Variants in FARP1 observed in about 807,000 individuals in gnomAD.
FARP1 encodes the protein FERM, ARH/RhoGEF and pleckstrin domain protein 1, also known as FERM, ARHGEF and pleckstrin domain-containing protein 1.
In FARP1, 52 loss-of-function variants were observed where a neutral mutation model predicts 128.8. The observed-to-expected ratio is 0.40, with a 90% CI of 0.32 to 0.51. The LOEUF is 0.51. Ranked by LOEUF, FARP1 falls within the 20% of genes least tolerant of loss-of-function variation. The pLI is 0.45. For synonymous variants in FARP1, 580 were observed against 551.8 expected, an observed-to-expected ratio of 1.05 and a Z score of -0.72; for missense variants, 1,333 against 1,367.9, an observed-to-expected ratio of 0.97 and a Z score of 0.40.
intron 9 of FARP1, 108 bp from the exon 10 acceptor site, chr13:98,389,849 C>T (rs1890239300): frequency 1.9e-6 from 2 of 1,062,152 alleles, no homozygotes; most frequent in Non-Finnish European, 2.8e-6. Context: ...TAATAAAATA[C>T]ACAGCGAAAA....
intron 3 of FARP1, among the ~76,000 whole-genome samples, chr13:98,355,180 AC>A (rs1170009665): frequency 2.0e-5 from 3 of 151,984 alleles, no homozygotes; most frequent in African/African-American, 7.3e-5. Flanking sequence ...AAACCCCTCT[AC>A]AAAAAATACA....
chr13:98,444,147 C>T (rs564438498), intron 24 of FARP1, among the ~76,000 whole-genome samples: 10 of 152,084 alleles, frequency 6.6e-5, no homozygotes, highest in East Asian at 1.9e-4. Flanking sequence ...TGCAGGGCTC[C>T]GGTCTGCCGT....
At chr13:98,155,693 A>G (rs1876456444) in intron 1 of FARP1, among the ~76,000 whole-genome samples, 1 of 151,834 alleles carries the variant, frequency 6.6e-6, no homozygotes, top group Non-Finnish European at 1.5e-5. Context: ...TAATTTTTGT[A>G]TTTTTTGTAG....
chr13:98,246,508 TC>T (rs1220863875), intron 2 of FARP1, among the ~76,000 whole-genome samples: 2 of 152,146 alleles, frequency 1.3e-5, no homozygotes, highest in African/African-American at 4.8e-5. Flanking sequence ...AACATGGTTG[TC>T]AGTTTTCATT....
chr13:98,300,667 C>A (rs1429158240), intron 2 of FARP1, among the ~76,000 whole-genome samples: 1 of 152,218 alleles, frequency 6.6e-6, no homozygotes, highest in African/African-American at 2.4e-5. Context: ...GGCCACCCTT[C>A]CCCGTCCCCT....
intron 1 of FARP1, among the ~76,000 whole-genome samples, chr13:98,160,567 C>T (rs1268440987): frequency 6.6e-6 from 1 of 152,108 alleles, no homozygotes; most frequent in Non-Finnish European, 1.5e-5. Context: ...GAAAAGTAGG[C>T]AGAATACATA....
Position 98,176,983 on chromosome 13 carries a change from G to T in FARP1, c.-24+33491G>T. 1.3e-6 allele frequency: 2 copies of T among 1,599,422 alleles called. No individual in the cohort carries two copies. Among genetic ancestry groups the T allele is most frequent in the Non-Finnish European group, 1.7e-6 (2 of 1,179,502 alleles). On this transcript the variant is annotated intron_variant, in intron 1 of 26. Transcript: ENST00000319562. The surrounding 1 kb of genome is among the most constrained non-coding windows in gnomAD (Gnocchi z 6.2). ...CACCACGTCGAGGCTCTCAGGCGCC[G>T]CCTCCTCGCCCCTCCTGTCGCCGTG...
chr13:98,243,287 T>C (rs1882875192), intron 2 of FARP1, among the ~76,000 whole-genome samples: 1 of 152,208 alleles, frequency 6.6e-6, no homozygotes, highest in South Asian at 2.1e-4. Context: ...GTCTCAGATA[T>C]ACCAAAGCGT....
At chr13:98,350,982 A>C (rs962480178) in intron 3 of FARP1, among the ~76,000 whole-genome samples, 6 of 113,866 alleles carry the variant, frequency 5.3e-5, no homozygotes, top group Non-Finnish European at 1.1e-4. Context: ...AAACCTGCTT[A>C]CCCTGCCCAG....
rs1891972952 is a variant in FARP1 at position 98,430,609 on chromosome 13, G to A, written c.1906-434G>A. On this transcript the variant is annotated intron_variant, in intron 17 of 26. Transcript: ENST00000319562. ...GCTACTGTCTGAGCAGACGGGGCGA[G>A]GGAAGCAGAACTGTGGTTTTAAAAC... 3.3e-5 allele frequency among the ~76,000 whole-genome samples: 5 copies of A among 152,182 alleles called. No individual in the cohort carries two copies. The South Asian group carries it at 1.0e-3, about 32-fold the overall frequency.
intron 2 of FARP1, among the ~76,000 whole-genome samples, chr13:98,282,056 A>G (rs1224111173): frequency 1.3e-5 from 2 of 151,960 alleles, no homozygotes; most frequent in African/African-American, 2.4e-5. Context: ...TATAATCTCA[A>G]TGCTTTGGGA....
chr13:98,424,235 A>G (rs1435350846), intron 16 of FARP1, among the ~76,000 whole-genome samples: 2 of 152,216 alleles, frequency 1.3e-5, no homozygotes, highest in Non-Finnish European at 2.9e-5. Flanking sequence ...TGCTGACCTA[A>G]TGATGCTAAA....
intron 1 of FARP1, among the ~76,000 whole-genome samples, chr13:98,166,418 TTG>T (rs1877268456): frequency 6.6e-6 from 1 of 152,246 alleles, no homozygotes; most frequent in Non-Finnish European, 1.5e-5. Flanking sequence ...AGTGCTTACT[TTG>T]TGCTAGAAAC....
rs138316496 is a variant in FARP1 at position 98,446,732 on chromosome 13, A to C, written c.2971A>C (p.Asn991His). Residue 991 changes from asparagine to histidine, a missense_variant, in exon 26 of 27, where the codon AAC becomes CAC. By Grantham distance (68) the Asn-to-His change is moderately conservative (BLOSUM62 1). Transcript: ENST00000319562. ...GCTCACCATCCCCTCTGAGTCCGAGAACATCCAGAAAGACTACGTGTTCAA... is the reference window on the plus strand; with the variant it reads ...GCTCACCATCCCCTCTGAGTCCGAGCACATCCAGAAAGACTACGTGTTCAA... ...YSLTIPSESE[N>H]IQKDYVFKLH... 12 of 1,614,058 alleles carry C rather than the reference A, an allele frequency of 7.4e-6. No individual in the cohort carries two copies. Among genetic ancestry groups the C allele is most frequent in the African/African-American group, 2.7e-5 (2 of 74,924 alleles).
intron 2 of FARP1, among the ~76,000 whole-genome samples, chr13:98,317,247 T>C (rs550309541): frequency 9.2e-5 from 14 of 152,274 alleles, no homozygotes; most frequent in African/African-American, 3.1e-4. Context: ...TTTTTAAAAA[T>C]TGCATGTGTG....
At chr13:98,252,434 T>G (rs933080689) in intron 2 of FARP1, among the ~76,000 whole-genome samples, 16 of 152,336 alleles carry the variant, frequency 1.1e-4, no homozygotes, top group Admixed American at 8.5e-4. Flanking sequence ...TTTCATTTAT[T>G]AAAATTAAAA....
intron 2 of FARP1, among the ~76,000 whole-genome samples, chr13:98,326,850 T>C (rs1444146835): frequency 1.3e-5 from 2 of 152,240 alleles, no homozygotes; most frequent in African/African-American, 4.8e-5. Flanking sequence ...GGCAAACCTC[T>C]GAACTCATCT....
chr13:98,442,813 C>T (rs1482954729), intron 24 of FARP1, among the ~76,000 whole-genome samples: 4 of 152,226 alleles, frequency 2.6e-5, no homozygotes, highest in South Asian at 2.1e-4. Context: ...TGTGTGGCGC[C>T]GCCACTGGGG....
chr13:98,150,438 G>A (rs1230179742), intron 1 of FARP1, among the ~76,000 whole-genome samples: 1 of 152,154 alleles, frequency 6.6e-6, no homozygotes, highest in Admixed American at 6.5e-5. Flanking sequence ...TATAGTTGTA[G>A]GAGTTCTTTA....
Sources: gnomAD v4.1 joint callset for allele counts (sites outside exome capture counted in the v4.1 genomes callset) on GRCh38, gnomAD v4.1.1 for gene constraint, Gnocchi (gnomAD v3.1) non-coding constraint, MANE v1.5 for transcripts, NCBI Gene and HGNC (gene_info 2026-07-23, HGNC 2026-07-21) for gene names.